The following CTPS1 variants were observed in gnomAD, a reference collection of about 807,000 sequenced individuals.
CTPS1 encodes the protein CTP synthase 1, also known as CTP synthetase 1.
A neutral mutation model predicts 80.5 loss-of-function variants in CTPS1; 25 were observed. That is an observed-to-expected ratio of 0.31 (90% CI 0.23 to 0.43). The LOEUF is 0.43. CTPS1 is among the 20% of genes least tolerant of loss of function. The pLI is 1.00. For missense variants in CTPS1, 442 were observed against 725.7 expected, an observed-to-expected ratio of 0.61 and a Z score of 4.49; for synonymous variants, 267 against 252.5, an observed-to-expected ratio of 1.06 and a Z score of -0.54.
intron 1 of CTPS1, chr1:40,981,917 G>T: frequency 8.4e-7 from 1 of 1,191,580 alleles, no homozygotes; most frequent in South Asian, 1.3e-5. Flanking sequence ...TAGTTTTCTT[G>T]TTCCTTAGTT....
intron 7 of CTPS1, among the ~76,000 whole-genome samples, chr1:40,993,774 CTTTTTTTTTT>C (rs71278720): frequency 5.8e-5 from 5 of 85,802 alleles, no homozygotes; most frequent in East Asian, 3.5e-4. Context: ...TTTCTTCTCT[CTTTTTTTTTT>C]TTTTTTTTTT....
At chr1:41,010,872 G>A (rs1373300654) in intron 18 of CTPS1, among the ~76,000 whole-genome samples, 5 of 152,226 alleles carry the variant, frequency 3.3e-5, no homozygotes, top group African/African-American at 1.2e-4. Flanking sequence ...GCACTGCCAC[G>A]AAATGTAAAT....
intron 11 of CTPS1, 26 bp from the exon 12 acceptor site, chr1:41,003,088 G>A: frequency 6.2e-7 from 1 of 1,613,940 alleles, no homozygotes; most frequent in South Asian, 1.1e-5. Flanking sequence ...ATGGAGTTTT[G>A]TTTGTTTTTT....
chr1:40,980,895 A>G (rs1416644833), intron 1 of CTPS1: 1 of 152,714 alleles, frequency 6.5e-6, no homozygotes, highest in Non-Finnish European at 1.5e-5. Context: ...GCTGCCCTGC[A>G]CCTGCCTGTT....
intron 10 of CTPS1, among the ~76,000 whole-genome samples, chr1:41,001,834 A>T (rs1403093881): frequency 6.6e-6 from 1 of 152,174 alleles, no homozygotes; most frequent in Non-Finnish European, 1.5e-5. Context: ...ACTGCACTCC[A>T]GCCTGGGTAA....
chr1:40,984,842 A>C lies in CTPS1; in HGVS notation c.188A>C (p.Asp63Ala), dbSNP rs750649864. The change falls in exon 3 of 19, where the codon GAT becomes GCT. Residue 63 changes from aspartate (D) to alanine (A), a missense_variant. Coordinates refer to ENST00000650070, the MANE Select transcript of CTPS1 (RefSeq NM_001905.4). ...GCAGGTGAGGTTTTTGTGCTGGATG[A>C]TGGTGGGGAAGTAGACCTTGACCTG... ...YEHGEVFVLD[D>A]GGEVDLDLGN... 1 of 1,571,372 alleles carries C rather than the reference A, an allele frequency of 6.4e-7. No homozygotes were observed. Among genetic ancestry groups the C allele is most frequent in the Non-Finnish European group, 8.7e-7 (1 of 1,152,750 alleles).
At chr1:40,991,065 G>A in intron 5 of CTPS1, 100 bp from the exon 6 acceptor site, 1 of 798,686 alleles carries the variant, frequency 1.3e-6, no homozygotes, top group South Asian at 1.7e-5. Flanking sequence ...GTGACCAAAT[G>A]ATCTATTTCC....
Position 40,995,958 on chromosome 1 carries a change from C to G in CTPS1, c.762C>G (p.Pro254=). Residue 254 remains proline (P), a synonymous_variant, in exon 8 of 19, where the codon CCC becomes CCG. Transcript: ENST00000650070. ...ATGTCTCATCCATCTACCGAGTCCC[C>G]TTGTTGTTAGAGGAGCAAGGGGTTG... ...VHDVSSIYRV[P]LLLEEQGVVD... is the part of the protein sequence containing the mutation. The G allele has an allele frequency of 6.2e-7, 1 of 1,614,212 alleles. No individual in the cohort carries two copies. Among genetic ancestry groups the G allele is most frequent in the Middle Eastern group, 1.6e-4 (1 of 6,062 alleles).
At position 40,991,253 on chromosome 1, in the gene CTPS1, G is replaced by A. The variant is rs958054114; in HGVS notation, c.639+5G>A. On this transcript the variant is annotated splice_donor_5th_base_variant and intron_variant, in intron 6 of 18. Coordinates refer to ENST00000650070, the MANE Select transcript of CTPS1 (RefSeq NM_001905.4). Reference sequence around the variant, plus strand: ...CTTGGGCTTTCCCCAGATCTGGTAAGATTTCCTGATAGCTGGTTGCAGTGT... The same window carrying A: ...CTTGGGCTTTCCCCAGATCTGGTAAAATTTCCTGATAGCTGGTTGCAGTGT... 6.4e-7 allele frequency: 1 copy of A among 1,572,068 alleles called. No individual in the cohort carries two copies. The highest frequency in any genetic ancestry group is 8.6e-7 in the Non-Finnish European group (1 of 1,164,992).
intron 2 of CTPS1, among the ~76,000 whole-genome samples, chr1:40,983,751 T>G (rs1385017553): frequency 6.6e-6 from 1 of 151,986 alleles, no homozygotes; most frequent in Non-Finnish European, 1.5e-5. Flanking sequence ...GCCTCCTGAG[T>G]AGCTGGGACT....
At chr1:40,984,322 A>G (rs1179833419) in intron 2 of CTPS1, among the ~76,000 whole-genome samples, 2 of 152,242 alleles carry the variant, frequency 1.3e-5, no homozygotes, top group Non-Finnish European at 2.9e-5. Context: ...CAACAAAAGA[A>G]TGGGGTAAAT....
At position 41,007,412 on chromosome 1, in the gene CTPS1, G is replaced by A; in HGVS notation, c.1297-37G>A. 1 of 1,588,440 alleles carries A rather than the reference G, an allele frequency of 6.3e-7. No homozygotes were observed. Among genetic ancestry groups the A allele is most frequent in the Non-Finnish European group, 8.6e-7 (1 of 1,157,406 alleles). On this transcript the variant is annotated intron_variant, in intron 13 of 18. Transcript: ENST00000650070. This position sits in a 1 kb window ranked among gnomAD's most constrained non-coding sequence, Gnocchi z 4.4. ...GAGGTTTCTCTCTAGCGGAAGCAGAGTTCTGTAGTTGGTGTCTGTTTTCTG... is the reference window on the plus strand; with the variant it reads ...GAGGTTTCTCTCTAGCGGAAGCAGAATTCTGTAGTTGGTGTCTGTTTTCTG...
intron 12 of CTPS1, among the ~76,000 whole-genome samples, chr1:41,003,808 G>C (rs945570850): frequency 2.6e-5 from 4 of 152,222 alleles, no homozygotes; most frequent in African/African-American, 9.6e-5. Flanking sequence ...TCTCATCTCA[G>C]TATTCTGTGG....
intron 9 of CTPS1, among the ~76,000 whole-genome samples, chr1:40,998,259 A>G (rs112792961): frequency 6.6e-6 from 1 of 152,138 alleles, no homozygotes; most frequent in African/African-American, 2.4e-5. Flanking sequence ...TTAGCCAGGC[A>G]TGGTGGCATG....
At chr1:41,000,226 TG>T (rs1488059744) in intron 9 of CTPS1, among the ~76,000 whole-genome samples, 1 of 115,106 alleles carries the variant, frequency 8.7e-6, no homozygotes, top group African/African-American at 3.0e-5. Context: ...TGTTTTGTTT[TG>T]TTTTGTTTTG....
chr1:41,010,054 C>A, intron 17 of CTPS1, 107 bp from the exon 18 acceptor site: 1 of 681,422 alleles, frequency 1.5e-6, no homozygotes, highest in Non-Finnish European at 2.6e-6. Flanking sequence ...CTTTGTGATT[C>A]CTGCCATGTG....
At chr1:40,983,732 C>G (rs563391771) in intron 2 of CTPS1, among the ~76,000 whole-genome samples, 1 of 151,758 alleles carries the variant, frequency 6.6e-6, no homozygotes, top group South Asian at 2.1e-4. Flanking sequence ...AAGCGATCCT[C>G]TCACCTCAGC....
intron 3 of CTPS1, among the ~76,000 whole-genome samples, chr1:40,985,374 G>A (rs1334954413): frequency 6.6e-5 from 10 of 152,216 alleles, no homozygotes; most frequent in Admixed American, 5.2e-4. Flanking sequence ...ATGTATAGAA[G>A]TGAGAAGGAA....
Position 40,997,495 on chromosome 1 carries a change from C to T in CTPS1, c.974C>T (p.Ala325Val), listed in dbSNP as rs1485440787. ...ASVIKALEHS[A>V]LAINHKLEIK... ...GTCATTAAGGCTCTGGAGCATTCTG[C>T]ACTGGCCATCAACCACAAATTGGAA... is the stretch of plus-strand genomic sequence containing the variant. The change falls in exon 9 of 19, where the codon GCA (alanine) becomes GTA (valine). Residue 325 changes from alanine (A) to valine (V), a missense_variant. Coordinates refer to ENST00000650070, the MANE Select transcript of CTPS1 (RefSeq NM_001905.4). 1 of 1,614,142 alleles carries T rather than the reference C, an allele frequency of 6.2e-7. No individual in the cohort carries two copies. The highest frequency in any genetic ancestry group is 8.5e-7 in the Non-Finnish European group (1 of 1,180,000).
Sources: allele counts gnomAD v4.1 joint callset (sites outside exome capture counted in the v4.1 genomes callset), GRCh38; gene constraint gnomAD v4.1.1; non-coding constraint Gnocchi (gnomAD v3.1); transcripts MANE v1.5; gene names NCBI Gene and HGNC (gene_info 2026-07-23, HGNC 2026-07-21).